The following SCAF11 variants were observed in gnomAD, a reference collection of about 807,000 sequenced individuals.
SCAF11 encodes protein SCAF11.
Under a neutral mutation model 140.5 loss-of-function variants are expected in SCAF11, and 47 were observed. That is an observed-to-expected ratio of 0.33 (90% confidence interval 0.26 to 0.43). The LOEUF (loss-of-function observed/expected upper bound fraction) is 0.43, where lower values mean the gene tolerates loss of function less well. Ranked by LOEUF, SCAF11 falls within the 20% of genes least tolerant of loss-of-function variation. The pLI, the probability that SCAF11 is intolerant of heterozygous loss-of-function variation, is 1.00. For synonymous variants in SCAF11, 557 were observed against 579.4 expected, an observed-to-expected ratio of 0.96 and a Z score of 0.55; for missense variants, 1,645 against 1,705.1, an observed-to-expected ratio of 0.96 and a Z score of 0.62.
chr12:45,964,818 T>C (rs1220975589), intron 1 of SCAF11, among the ~76,000 whole-genome samples: 3 of 152,210 alleles, frequency 2.0e-5, no homozygotes, highest in African/African-American at 7.2e-5. Flanking sequence ...ATAGGTTAGA[T>C]GTGTTGAGGA....
intron 1 of SCAF11, among the ~76,000 whole-genome samples, chr12:45,979,291 G>C (rs1266483437): frequency 6.6e-6 from 1 of 151,674 alleles, no homozygotes; most frequent in African/African-American, 2.4e-5. Context: ...ATTTTGGAGA[G>C]GGCATAAACA....
At chr12:45,942,778 T>G (rs1945334832) in intron 6 of SCAF11, among the ~76,000 whole-genome samples, 1 of 152,218 alleles carries the variant, frequency 6.6e-6, no homozygotes, top group Non-Finnish European at 1.5e-5. Context: ...ATCTCCACAA[T>G]GTCATCACCC....
chr12:45,954,543 T>C (rs1460213211), intron 3 of SCAF11, among the ~76,000 whole-genome samples: 1 of 151,546 alleles, frequency 6.6e-6, no homozygotes, highest in Non-Finnish European at 1.5e-5. Context: ...AATTTTGAAT[T>C]ATGACAGTTT....
At chr12:45,923,709 G>A (rs1944769734) in intron 12 of SCAF11, among the ~76,000 whole-genome samples, 1 of 151,978 alleles carries the variant, frequency 6.6e-6, no homozygotes, top group Non-Finnish European at 1.5e-5. Context: ...TAGAGACGAA[G>A]TCTCACTCTG....
chr12:45,961,807 C>A lies in SCAF11; in HGVS notation c.112G>T (p.Ala38Ser), dbSNP rs752250902. The A allele has an allele frequency of 1.2e-6, 2 of 1,613,038 alleles. No individual in the cohort carries two copies. The highest frequency in any genetic ancestry group is 1.7e-6 in the Non-Finnish European group (2 of 1,179,310). The change falls in exon 3 of 15, where the codon GCT becomes TCT. Residue 38 changes from alanine (A) to serine (S), a missense_variant. By Grantham distance (99) the Ala-to-Ser change is moderately conservative. Around this residue, in one of 2 missense-constraint regions of SCAF11, gnomAD observed 1,582 missense variants for 1,609.2 expected, o/e 0.98. Transcript: ENST00000369367. ...TISTGLLYSE[A>S]DRCPICLNCL... Reference sequence around the variant, plus strand: ...TTAAGACATATTGGGCATCTGTCAGCCTCACTGTACAACAGACCAGTGGAA... The same window carrying A: ...TTAAGACATATTGGGCATCTGTCAGACTCACTGTACAACAGACCAGTGGAA...
chr12:45,984,695 CTTTT>C (rs539795330), intron 1 of SCAF11, among the ~76,000 whole-genome samples: 1 of 136,578 alleles, frequency 7.3e-6, no homozygotes, highest in Admixed American at 7.3e-5. Context: ...TTCGCACTTC[CTTTT>C]TTTTTTTTTT....
rs1300044825 is a variant in SCAF11 at position 45,928,410 on chromosome 12, T to C, written c.1291A>G (p.Asn431Asp). ...ACATGAGTCTGCACAGTACAAATGT[T>C]ACTACTGTCTACATCTGGTTGGTGC... ...KEHQPDVDSS[N>D]ICTVQTHVEN... The change falls in exon 11 of 15, where the codon AAC becomes GAC. Residue 431 changes from asparagine to aspartate, a missense_variant. This residue lies in a region of SCAF11 where 1,582 missense variants were observed against 1,609.2 expected (regional missense o/e 0.98). Coordinates refer to ENST00000369367, the MANE Select transcript of SCAF11 (RefSeq NM_004719.3). 6.2e-7 allele frequency: 1 copy of C among 1,613,628 alleles called. No homozygotes were observed. The highest frequency in any genetic ancestry group is 1.1e-5 in the South Asian group (1 of 91,046).
At position 45,927,318 on chromosome 12, in the gene SCAF11, G is replaced by T. The variant is rs759578593; in HGVS notation, c.2383C>A (p.His795Asn). Residue 795 changes from histidine to asparagine, a missense_variant, in exon 11 of 15, where the codon CAT (histidine) becomes AAT (asparagine). His to Asn is a moderately conservative substitution (Grantham distance 68, BLOSUM62 1). Around this residue, in one of 2 missense-constraint regions of SCAF11, gnomAD observed 1,582 missense variants for 1,609.2 expected, o/e 0.98. Transcript: ENST00000369367. ...KKPRTRRSRF[H>N]SPSTTWSPNK... ...GGTGACCAAGTTGTAGATGGAGAAT[G>T]AAATCTAGATCTTCGAGTACGAGGC... 2 of 1,610,882 alleles carry T rather than the reference G, an allele frequency of 1.2e-6. No homozygotes were observed. Among genetic ancestry groups the T allele is most frequent in the Admixed American group, 3.3e-5 (2 of 59,874 alleles).
At chr12:45,991,956 G>A, upstream of SCAF11, 1 of 1,289,222 alleles carries the variant, frequency 7.8e-7, no homozygotes, top group Non-Finnish European at 1.0e-6. Context: ...GTTCGCGCGT[G>A]CTGCGCTCTC....
upstream of SCAF11, chr12:45,991,957 C>T: frequency 7.8e-7 from 1 of 1,289,332 alleles, no homozygotes; most frequent in Non-Finnish European, 1.0e-6. Context: ...TTCGCGCGTG[C>T]TGCGCTCTCC....
intron 3 of SCAF11, among the ~76,000 whole-genome samples, chr12:45,958,648 T>A (rs1160585234): frequency 6.6e-6 from 1 of 152,184 alleles, no homozygotes; most frequent in Non-Finnish European, 1.5e-5. Context: ...CTAAATATAA[T>A]CATAGTGGAC....
Position 45,927,509 on chromosome 12 carries a change from G to A in SCAF11, c.2192C>T (p.Ser731Phe), listed in dbSNP as rs776453624. ...CDSFCSDQNE[S>F]EVEPSVNADL... The stretch of plus-strand genomic sequence containing the variant: ...AGCATTTACAGATGGTTCAACTTCA[G>A]ATTCATTTTGGTCACTGCAAAATGA... The change falls in exon 11 of 15, where the codon TCT becomes TTT. Residue 731 changes from serine to phenylalanine, a missense_variant. Ser to Phe is a radical substitution (Grantham distance 155). Coordinates refer to ENST00000369367, the MANE Select transcript of SCAF11 (RefSeq NM_004719.3). 4 of 1,613,342 alleles carry A rather than the reference G, an allele frequency of 2.5e-6. No homozygotes were observed. In the African/African-American group the frequency reaches 5.3e-5, roughly 22 times the overall value.
intron 9 of SCAF11, among the ~76,000 whole-genome samples, chr12:45,932,881 C>A (rs1157384709): frequency 6.6e-6 from 1 of 152,052 alleles, no homozygotes; most frequent in Non-Finnish European, 1.5e-5. Context: ...TATTCGGGTT[C>A]TCTCCCTTTT....
intron 6 of SCAF11, among the ~76,000 whole-genome samples, chr12:45,940,022 A>G (rs1384132334): frequency 2.6e-5 from 4 of 152,116 alleles, no homozygotes; most frequent in Admixed American, 2.6e-4. Context: ...TGCGTGACAG[A>G]CTCATTTCTG....
chr12:45,928,596 T>G lies in SCAF11; in HGVS notation c.1105A>C (p.Arg369=). 1 of 1,614,154 alleles carries G rather than the reference T, an allele frequency of 6.2e-7. No individual in the cohort carries two copies. Among genetic ancestry groups the G allele is most frequent in the South Asian group, 1.1e-5 (1 of 91,070 alleles). Residue 369 remains arginine, a synonymous_variant, in exon 11 of 15, where the codon AGA becomes CGA. Coordinates refer to ENST00000369367, the MANE Select transcript of SCAF11 (RefSeq NM_004719.3). Reference sequence around the variant, plus strand: ...ACAGACTTCCGTTTTGGAGCCTGTCTTGTTTGCTTTTCTGACTCAGCTGAA... The same window carrying G: ...ACAGACTTCCGTTTTGGAGCCTGTCGTGTTTGCTTTTCTGACTCAGCTGAA... The part of the protein sequence containing the change: ...PSSAESEKQT[R]QAPKRKSVRR...
rs1188707973 is a variant in SCAF11 at position 45,922,578 on chromosome 12, A to G, written c.4130T>C (p.Leu1377Ser). ...SADSSKTDKK[L>S]QIQEKAAQEV... ...TTGTGCTGCTTTTTCTTGAATTTGCAATTTCTGATGAGAAGAAAATGTATA... is the reference window on the plus strand; with the variant it reads ...TTGTGCTGCTTTTTCTTGAATTTGCGATTTCTGATGAGAAGAAAATGTATA... Residue 1377 changes from leucine to serine, a missense_variant, in exon 14 of 15, where the codon TTG becomes TCG. Transcript: ENST00000369367. 2 of 1,588,554 alleles carry G rather than the reference A, an allele frequency of 1.3e-6. No homozygotes were observed. Among genetic ancestry groups the G allele is most frequent in the Middle Eastern group, 1.7e-4 (1 of 5,950 alleles).
At chr12:45,969,902 AT>A (rs577622759) in intron 1 of SCAF11, among the ~76,000 whole-genome samples, 4 of 146,930 alleles carry the variant, frequency 2.7e-5, no homozygotes, top group African/African-American at 7.5e-5. Context: ...ACATTCAACC[AT>A]TTTTTTTTTC....
At chr12:45,982,550 C>G (rs757581696) in intron 1 of SCAF11, among the ~76,000 whole-genome samples, 1 of 152,024 alleles carries the variant, frequency 6.6e-6, no homozygotes, top group Non-Finnish European at 1.5e-5. Flanking sequence ...ACTAAAAATA[C>G]AAAAATTAGC....
chr12:45,982,475 G>A (rs1177927788), intron 1 of SCAF11, among the ~76,000 whole-genome samples: 1 of 152,174 alleles, frequency 6.6e-6, no homozygotes, highest in African/African-American at 2.4e-5. Context: ...AGGAGGCCAA[G>A]GCGGGCAGAT....
Sources: gnomAD v4.1 joint callset for allele counts (sites outside exome capture counted in the v4.1 genomes callset) on GRCh38, gnomAD v4.1.1 for gene constraint, gnomAD v4.1.1 regional missense constraint, MANE v1.5 for transcripts, NCBI Gene and HGNC (gene_info 2026-07-23, HGNC 2026-07-21) for gene names.